PRKCQ: variants seen among roughly 807,000 people sequenced by gnomAD.
The protein encoded by PRKCQ is protein kinase C theta type.
A neutral mutation model predicts 91.2 loss-of-function variants in PRKCQ; 41 were observed. The ratio of observed to expected loss-of-function variants is 0.45; its 90% confidence interval spans 0.35 to 0.58. The LOEUF (loss-of-function observed/expected upper bound fraction) is 0.58. Ranked by LOEUF, PRKCQ falls within the 20% of genes least tolerant of loss-of-function variation. PRKCQ has a pLI of 0.00. For missense variants in PRKCQ, 673 were observed against 896.5 expected, an observed-to-expected ratio of 0.75 and a Z score of 3.18; for synonymous variants, 307 against 316.9, an observed-to-expected ratio of 0.97 and a Z score of 0.33.
Position 6,465,033 on chromosome 10 carries a change from C to T in PRKCQ, c.1354-629G>A, listed in dbSNP as rs975643261. ...CCAGACAATGGGATGGTGCCAGGCA[C>T]TTAGGGCACTTAGCATGTGCCGATT... On this transcript the variant is annotated intron_variant, in intron 12 of 17. Coordinates refer to ENST00000263125, the MANE Select transcript of PRKCQ (RefSeq NM_006257.5). This position sits in a 1 kb window ranked among gnomAD's most constrained non-coding sequence, Gnocchi z 4.4. Among the ~76,000 whole-genome samples the T allele has an allele frequency of 6.6e-6, 1 of 152,048 alleles. No individual in the cohort carries two copies. Among genetic ancestry groups the T allele is most frequent in the African/African-American group, 2.4e-5 (1 of 41,390 alleles).
chr10:6,432,971 A>G (rs547796398), intron 16 of PRKCQ, among the ~76,000 whole-genome samples: 3 of 152,058 alleles, frequency 2.0e-5, no homozygotes, highest in Admixed American at 2.0e-4. Context: ...TTTCCTTGTG[A>G]AACTTTCTTT....
At chr10:6,407,812 A>C in the PRKCQ span, among the ~76,000 whole-genome samples, 2 of 152,020 alleles carry the variant, frequency 1.3e-5, no homozygotes, top group African/African-American at 4.8e-5. The surrounding 1 kb of genome is among the most constrained non-coding windows in gnomAD (Gnocchi z 4.0). Context: ...TCCCCACCTA[A>C]CTCATTCTCC....
chr10:6,509,262 C>G (rs1838349164), intron 3 of PRKCQ, among the ~76,000 whole-genome samples: 1 of 152,100 alleles, frequency 6.6e-6, no homozygotes, highest in Non-Finnish European at 1.5e-5. Flanking sequence ...TGAAGAGATA[C>G]AAATAGAACA....
At chr10:6,413,750 G>A in the PRKCQ span, among the ~76,000 whole-genome samples, 1 of 128,134 alleles carries the variant, frequency 7.8e-6, no homozygotes, top group Non-Finnish European at 1.6e-5. Context: ...CACACACTAG[G>A]AAGCACTGGA....
intron 14 of PRKCQ, among the ~76,000 whole-genome samples, chr10:6,461,478 A>G (rs75058545): frequency 0.023 from 3,472 of 152,348 alleles, 132 homozygotes; most frequent in African/African-American, 0.079. Flanking sequence ...TTAATCTATG[A>G]TTTTGTAGAT....
chr10:6,537,939 C>T (rs540411392), intron 1 of PRKCQ, among the ~76,000 whole-genome samples: 4 of 152,288 alleles, frequency 2.6e-5, no homozygotes, highest in African/African-American at 9.6e-5. Context: ...GCTTCCTCAC[C>T]GGGGATGGTT....
At chr10:6,571,167 G>A (rs901373367) in intron 1 of PRKCQ, among the ~76,000 whole-genome samples, 2 of 152,082 alleles carry the variant, frequency 1.3e-5, no homozygotes, top group African/African-American at 2.4e-5. Flanking sequence ...GCAGAGCGGC[G>A]TGTTTTCCGG....
chr10:6,513,607 G>T (rs1838604538), intron 2 of PRKCQ, among the ~76,000 whole-genome samples: 1 of 152,212 alleles, frequency 6.6e-6, no homozygotes, highest in Non-Finnish European at 1.5e-5. Context: ...AAGGTTTTAG[G>T]TTGGGAGCAA....
intron 1 of PRKCQ, among the ~76,000 whole-genome samples, chr10:6,564,182 A>G (rs1840744900): frequency 6.6e-6 from 1 of 152,176 alleles, no homozygotes; most frequent in South Asian, 2.1e-4. Context: ...ATATGGAGTA[A>G]CCAAAGAGCT....
chr10:6,504,368 C>T (rs370922315), intron 4 of PRKCQ, among the ~76,000 whole-genome samples: 2 of 152,244 alleles, frequency 1.3e-5, no homozygotes, highest in South Asian at 4.1e-4. Context: ...CCTCCAACAT[C>T]TGTCTCTGAC....
At chr10:6,426,410 C>T (rs952165655), downstream of PRKCQ, among the ~76,000 whole-genome samples, 4 of 152,194 alleles carry the variant, frequency 2.6e-5, no homozygotes, top group Non-Finnish European at 4.4e-5. Flanking sequence ...GACCCTCTCC[C>T]TCCTTCAAGC....
chr10:6,532,881 T>C (rs1316975738), intron 1 of PRKCQ, among the ~76,000 whole-genome samples: 2 of 152,250 alleles, frequency 1.3e-5, no homozygotes, highest in Non-Finnish European at 2.9e-5. Context: ...GAAGCACTAT[T>C]CTGTGGATCC....
chr10:6,416,956 T>C, the PRKCQ span, among the ~76,000 whole-genome samples: 2 of 152,228 alleles, frequency 1.3e-5, no homozygotes, highest in Admixed American at 6.5e-5. Flanking sequence ...ACTCTGGGAT[T>C]TGGTCATTTT....
At chr10:6,516,965 G>A (rs570809723) in intron 1 of PRKCQ, among the ~76,000 whole-genome samples, 6 of 152,214 alleles carry the variant, frequency 3.9e-5, no homozygotes, top group East Asian at 3.9e-4. Flanking sequence ...CAGATTAAAC[G>A]GCCGTTTCAC....
chr10:6,575,769 C>T (rs575043302), intron 1 of PRKCQ, among the ~76,000 whole-genome samples: 16 of 152,264 alleles, frequency 1.1e-4, no homozygotes, highest in African/African-American at 2.2e-4. Flanking sequence ...AGCCCAGGTG[C>T]GGTGGCTCAC....
intron 15 of PRKCQ, among the ~76,000 whole-genome samples, chr10:6,455,398 T>C (rs1000432171): frequency 6.6e-6 from 1 of 152,218 alleles, no homozygotes; most frequent in Non-Finnish European, 1.5e-5. Flanking sequence ...CCTCATGGAA[T>C]AGAAGCCAAG....
intron 15 of PRKCQ, 108 bp downstream of exon 15, chr10:6,456,566 A>C: frequency 7.1e-7 from 1 of 1,413,330 alleles, no homozygotes; most frequent in South Asian, 1.5e-5. Context: ...AACAGGTACA[A>C]ATCTTGAATG....
At chr10:6,487,844 T>C (rs1313948928) in intron 8 of PRKCQ, among the ~76,000 whole-genome samples, 1 of 151,406 alleles carries the variant, frequency 6.6e-6, no homozygotes, top group Non-Finnish European at 1.5e-5. Flanking sequence ...CTAAAAATAA[T>C]AACAATAAAA....
At chr10:6,538,078 G>A (rs1308906577) in intron 1 of PRKCQ, among the ~76,000 whole-genome samples, 1 of 152,254 alleles carries the variant, frequency 6.6e-6, no homozygotes, top group Non-Finnish European at 1.5e-5. Context: ...CGGGACCAAG[G>A]CTCCTGCTGG....
Sources: allele counts gnomAD v4.1 joint callset (sites outside exome capture counted in the v4.1 genomes callset), GRCh38; gene constraint gnomAD v4.1.1; non-coding constraint Gnocchi (gnomAD v3.1); transcripts MANE v1.5; gene names NCBI Gene and HGNC (gene_info 2026-07-23, HGNC 2026-07-21).